Variants in ZNF407 observed in about 807,000 individuals in gnomAD.
ZNF407 encodes the protein zinc finger protein 407.
In ZNF407, 17 loss-of-function variants were observed where a neutral mutation model predicts 131.2. The observed-to-expected ratio is 0.13, with a 90% CI of 0.09 to 0.19. The LOEUF (loss-of-function observed/expected upper bound fraction) is 0.19, where lower values mean the gene tolerates loss of function less well. Among genes scored for constraint, ZNF407 ranks in the 10% least tolerant of loss-of-function variants. The probability of loss-of-function intolerance (pLI) is 1.00; values close to 1 mark genes in which losing one functional copy is unlikely to be tolerated. For synonymous variants in ZNF407, 1,156 were observed against 1,062.0 expected, an observed-to-expected ratio of 1.09 and a Z score of -1.72; for missense variants, 2,681 against 2,830.6, an observed-to-expected ratio of 0.95 and a Z score of 1.20.
chr18:74,661,192 C>G (rs191778948), intron 3 of ZNF407, among the ~76,000 whole-genome samples: 2 of 152,012 alleles, frequency 1.3e-5, no homozygotes, highest in African/African-American at 4.8e-5. Flanking sequence ...ATACAGGCAG[C>G]ATTCCTTTTC....
intron 7 of ZNF407, among the ~76,000 whole-genome samples, chr18:74,915,312 C>T (rs1037348430): frequency 2.7e-5 from 4 of 148,402 alleles, no homozygotes; most frequent in Admixed American, 6.8e-5. Context: ...AAAGAGTGTT[C>T]GAATCGGGAG....
chr18:74,734,709 GTT>G lies in ZNF407; in HGVS notation c.4803-46715_4803-46714del, dbSNP rs869120395. Among the ~76,000 whole-genome samples the G allele has an allele frequency of 4.3e-3, 501 of 116,036 alleles. 1 individual carries two copies. The highest frequency in any genetic ancestry group is 0.023 in the African/African-American group (456 of 19,752). 76.1% of individuals were successfully genotyped at this position (116,036 alleles called of 152,430 possible). A position where few individuals can be genotyped will look rare whatever the true frequency, so the allele number is the denominator to read the frequency against. The stretch of plus-strand genomic sequence containing the variant: ...TGTGTGTGTGTGTGTGTGTGTGTGT[GTT>G]TTTGAGAGAATCAAAGATTCAAGGA... On this transcript the variant is annotated intron_variant, in intron 3 of 8. Transcript: ENST00000299687.
chr18:74,747,029 A>G (rs903495363), intron 3 of ZNF407, among the ~76,000 whole-genome samples: 1 of 152,216 alleles, frequency 6.6e-6, no homozygotes, highest in Non-Finnish European at 1.5e-5. Context: ...ATTAGTCAAC[A>G]GGAATTTTTC....
At chr18:74,612,460 C>T (rs1983105395) in intron 1 of ZNF407, among the ~76,000 whole-genome samples, 1 of 152,108 alleles carries the variant, frequency 6.6e-6, no homozygotes, top group Non-Finnish European at 1.5e-5. Context: ...ATTTTGCATA[C>T]TCTACGTAGG....
chr18:75,010,127 C>T (rs549906347), intron 8 of ZNF407, among the ~76,000 whole-genome samples: 21 of 152,294 alleles, frequency 1.4e-4, no homozygotes, highest in Admixed American at 2.6e-4. Flanking sequence ...CGCTAGTAGT[C>T]ATCCAGTCCA....
At chr18:75,057,075 T>A (rs1973570241) in intron 8 of ZNF407, among the ~76,000 whole-genome samples, 2 of 152,196 alleles carry the variant, frequency 1.3e-5, no homozygotes, top group Non-Finnish European at 2.9e-5. Context: ...CGCATCGTAT[T>A]CAAGGTGCTT....
chr18:74,859,098 A>C (rs1970901138), intron 4 of ZNF407, among the ~76,000 whole-genome samples: 1 of 152,214 alleles, frequency 6.6e-6, no homozygotes, highest in African/African-American at 2.4e-5. Flanking sequence ...TAATAAAATA[A>C]AAGCAATAAT....
chr18:74,902,163 A>G (rs1971534237), intron 7 of ZNF407, among the ~76,000 whole-genome samples: 2 of 152,214 alleles, frequency 1.3e-5, no homozygotes. Context: ...TGGACGATAC[A>G]GCATGTTTTG....
At chr18:75,039,082 AAAG>A (rs1973342890) in intron 8 of ZNF407, among the ~76,000 whole-genome samples, 1 of 152,250 alleles carries the variant, frequency 6.6e-6, no homozygotes, top group Non-Finnish European at 1.5e-5. Context: ...CCTAATAACA[AAAG>A]AAGAAGCAGT....
intron 3 of ZNF407, among the ~76,000 whole-genome samples, chr18:74,687,508 GA>G (rs1239700850): frequency 5.3e-5 from 8 of 152,052 alleles, no homozygotes; most frequent in African/African-American, 1.9e-4. Flanking sequence ...AAAAGCCTCT[GA>G]GAGAAGAGAT....
chr18:74,959,771 C>T (rs1392065018), intron 8 of ZNF407, among the ~76,000 whole-genome samples: 2 of 152,076 alleles, frequency 1.3e-5, no homozygotes, highest in African/African-American at 4.8e-5. Flanking sequence ...TGAAGTGAAA[C>T]GTATAAAGGT....
rs370813593 is a variant in ZNF407, at chr18:75,041,457, T to A, written c.5429-21693T>A. 9.2e-4 allele frequency among the ~76,000 whole-genome samples: 140 copies of A among 151,718 alleles called. 1 individual carries two copies. Among genetic ancestry groups the A allele is most frequent in the African/African-American group, 3.0e-3 (126 of 41,374 alleles). On this transcript the variant is annotated intron_variant, in intron 8 of 8. Coordinates refer to ENST00000299687, the MANE Select transcript of ZNF407 (RefSeq NM_017757.3). Reference sequence around the variant, plus strand: ...ACCTCTCACACACACACTCTCTCTCTCACACACACACACTCACACACACAG... The same window carrying A: ...ACCTCTCACACACACACTCTCTCTCACACACACACACACTCACACACACAG...
chr18:74,782,954 T>C (rs898828195), intron 4 of ZNF407, among the ~76,000 whole-genome samples: 6 of 152,176 alleles, frequency 3.9e-5, no homozygotes, highest in Non-Finnish European at 8.8e-5. Flanking sequence ...GCAGCAAAAA[T>C]ACATGCATTG....
At chr18:74,599,756 C>G (rs1268650423) in intron 1 of ZNF407, among the ~76,000 whole-genome samples, 2 of 152,150 alleles carry the variant, frequency 1.3e-5, no homozygotes, top group East Asian at 3.8e-4. Flanking sequence ...AATATACTCT[C>G]CTAGTTTGAT....
intron 2 of ZNF407, among the ~76,000 whole-genome samples, chr18:74,636,582 C>T (rs1984474206): frequency 6.6e-6 from 1 of 152,020 alleles, no homozygotes; most frequent in African/African-American, 2.4e-5. Context: ...TTTTACTGTA[C>T]TTTTAAATAA....
chr18:74,717,207 T>G (rs1025590961), intron 3 of ZNF407, among the ~76,000 whole-genome samples: 11 of 152,196 alleles, frequency 7.2e-5, no homozygotes, highest in Non-Finnish European at 4.4e-5. Context: ...ACAATAAAAG[T>G]CAAGTTATTC....
chr18:74,773,626 A>G (rs1201086271), intron 3 of ZNF407, among the ~76,000 whole-genome samples: 1 of 152,240 alleles, frequency 6.6e-6, no homozygotes, highest in East Asian at 1.9e-4. Flanking sequence ...TGTCCTGCAA[A>G]AGCTAAAATG....
intron 3 of ZNF407, among the ~76,000 whole-genome samples, chr18:74,781,034 T>C (rs1023210308): frequency 1.5e-4 from 23 of 152,178 alleles, no homozygotes; most frequent in African/African-American, 5.3e-4. Context: ...TTTACGGTCC[T>C]TTAAATATTT....
At chr18:74,916,713 GTGTA>G (rs1451527650) in intron 7 of ZNF407, among the ~76,000 whole-genome samples, 3 of 145,348 alleles carry the variant, frequency 2.1e-5, no homozygotes, top group South Asian at 2.2e-4. Flanking sequence ...GAGTGTGTGT[GTGTA>G]TGTGTGTGTG....
Sources: gnomAD v4.1 joint callset for allele counts (sites outside exome capture counted in the v4.1 genomes callset) on GRCh38, gnomAD v4.1.1 for gene constraint, MANE v1.5 for transcripts, NCBI Gene and HGNC (gene_info 2026-07-23, HGNC 2026-07-21) for gene names.